The following TENM4 variants were observed in gnomAD, a reference collection of about 807,000 sequenced individuals.
TENM4 encodes teneurin-4.
Under a neutral mutation model 243.3 loss-of-function variants are expected in TENM4, and 82 were observed. That is an observed-to-expected ratio of 0.34 (90% CI 0.28 to 0.40). The LOEUF is 0.40. TENM4 is among the 10% of genes least tolerant of loss of function. The pLI is 1.00. For missense variants in TENM4, 3,138 were observed against 3,673.3 expected (o/e 0.85, Z 3.77); for synonymous variants, 1,412 against 1,456.3 (o/e 0.97, Z 0.69).
chr11:78,849,356 T>C (rs961290968), intron 12 of TENM4, among the ~76,000 whole-genome samples: 18 of 152,178 alleles, frequency 1.2e-4, no homozygotes, highest in African/African-American at 3.9e-4. Context: ...TTCCATATAA[T>C]ACAAATGGAA....
intron 25 of TENM4, among the ~76,000 whole-genome samples, chr11:78,716,563 C>T (rs906058347): frequency 2.6e-5 from 4 of 152,344 alleles, no homozygotes; most frequent in Admixed American, 6.5e-5. Context: ...AGGAAACGCT[C>T]ACTGCTAACA....
chr11:78,959,365 A>G (rs1376361458), intron 6 of TENM4, among the ~76,000 whole-genome samples: 1 of 152,204 alleles, frequency 6.6e-6, no homozygotes, highest in African/African-American at 2.4e-5. Context: ...AAAAAAATCA[A>G]ATTAAAAACC....
At chr11:79,134,129 G>T (rs1371449355) in intron 4 of TENM4, among the ~76,000 whole-genome samples, 1 of 152,070 alleles carries the variant, frequency 6.6e-6, no homozygotes, top group African/African-American at 2.4e-5. Context: ...TCCTAGAACT[G>T]ATAAAAGAAT....
intron 1 of TENM4, among the ~76,000 whole-genome samples, chr11:79,316,565 T>A (rs545064442): frequency 6.6e-6 from 1 of 152,356 alleles, no homozygotes; most frequent in South Asian, 2.1e-4. Flanking sequence ...TTTATTTCAA[T>A]GAAATTTTGT....
At chr11:78,686,992 A>T (rs921735403) in intron 29 of TENM4, among the ~76,000 whole-genome samples, 1 of 152,218 alleles carries the variant, frequency 6.6e-6, no homozygotes, top group Admixed American at 6.5e-5. Flanking sequence ...AGTATTGCTT[A>T]TTGAGCAATA....
chr11:78,861,158 C>T (rs536724805), intron 10 of TENM4, among the ~76,000 whole-genome samples: 16 of 152,324 alleles, frequency 1.1e-4, no homozygotes, highest in African/African-American at 3.6e-4. Context: ...GCATCTGACG[C>T]TAGAAGCTGA....
intron 2 of TENM4, among the ~76,000 whole-genome samples, chr11:79,271,736 C>A (rs565546598): frequency 9.8e-5 from 15 of 152,360 alleles, no homozygotes; most frequent in African/African-American, 3.6e-4. Flanking sequence ...CCAGCTCTCT[C>A]CCACAGGGTC....
At position 79,285,256 on chromosome 11, in the gene TENM4, A is replaced by T. The variant is rs187875342; in HGVS notation, c.-265+12232T>A. ...AGTTTCAAAAAAATAAATAAATAAA[A>T]AAAAAGAGAGATGCTGAGTATCATT... On this transcript the variant is annotated intron_variant, in intron 2 of 33. Transcript: ENST00000278550. Among the ~76,000 whole-genome samples the T allele has an allele frequency of 7.2e-3, 1,101 of 151,968 alleles. 16 individuals are homozygous for T. Among genetic ancestry groups the T allele is most frequent in the African/African-American group, 0.025 (1,038 of 41,476 alleles).
intron 2 of TENM4, among the ~76,000 whole-genome samples, chr11:79,252,798 A>G (rs561914078): frequency 2.6e-5 from 4 of 152,222 alleles, no homozygotes; most frequent in African/African-American, 4.8e-5. Flanking sequence ...TGAGAGACTC[A>G]TGGAGCAGAC....
intron 4 of TENM4, among the ~76,000 whole-genome samples, chr11:79,135,301 C>T (rs946985446): frequency 4.0e-5 from 6 of 151,826 alleles, no homozygotes; most frequent in Non-Finnish European, 8.8e-5. Context: ...TGTGATACCA[C>T]CTTACTCCTG....
At chr11:78,753,135 G>A (rs993824861) in intron 19 of TENM4, among the ~76,000 whole-genome samples, 2 of 152,076 alleles carry the variant, frequency 1.3e-5, no homozygotes, top group Non-Finnish European at 2.9e-5. Context: ...TTTTAATCTT[G>A]GTCTGTCAGA....
intron 9 of TENM4, among the ~76,000 whole-genome samples, chr11:78,866,754 T>C (rs1275402155): frequency 1.3e-5 from 2 of 152,208 alleles, no homozygotes; most frequent in Admixed American, 6.5e-5. Context: ...CAAAGCTCTG[T>C]ATTCAACTCC....
At chr11:78,838,920 C>T (rs978824344) in intron 12 of TENM4, among the ~76,000 whole-genome samples, 3 of 152,198 alleles carry the variant, frequency 2.0e-5, no homozygotes, top group African/African-American at 4.8e-5. Context: ...ACATTTGATG[C>T]TTTTCCAAGT....
rs11293184 is a variant in TENM4 at position 79,231,384 on chromosome 11, A to AT, written c.-264-15476dup. Among the ~76,000 whole-genome samples the AT allele has an allele frequency of 2.3e-3, 334 of 147,932 alleles. 1 individual carries two copies. Among genetic ancestry groups the AT allele is most frequent in the Middle Eastern group, 6.9e-3 (2 of 290 alleles). ...AAATACCATTACACCTAAATTAGTAATTTTTTTTTTTTTAATTTAAAGGGC... is the reference window on the plus strand; with the variant it reads ...AAATACCATTACACCTAAATTAGTAATTTTTTTTTTTTTTAATTTAAAGGGC... On this transcript the variant is annotated intron_variant, in intron 2 of 33. Coordinates refer to ENST00000278550, the MANE Select transcript of TENM4 (RefSeq NM_001098816.3).
chr11:78,837,045 C>T (rs1408158372), intron 12 of TENM4, among the ~76,000 whole-genome samples: 1 of 152,116 alleles, frequency 6.6e-6, no homozygotes, highest in Non-Finnish European at 1.5e-5. Flanking sequence ...GGAGGAAACT[C>T]TTAGAAAATC....
chr11:78,669,803 A>C lies in TENM4; in HGVS notation c.6542T>G (p.Leu2181Arg). The change falls in exon 32 of 34, where the codon CTG becomes CGG. Residue 2181 changes from leucine to arginine, a missense_variant. Transcript: ENST00000278550. This position sits in a 1 kb window ranked among gnomAD's most constrained non-coding sequence, Gnocchi z 6.4. ...GGTATTGGCGTAGGGTCCTACCTTC[A>C]GCTCCTTCTTCACTACTCGCCCCAT... is the stretch of plus-strand genomic sequence containing the variant. ...DNMGRVVKKE[L>R]KVGPYANTTR... 1 of 1,613,912 alleles carries C rather than the reference A, an allele frequency of 6.2e-7. No homozygotes were observed. Among genetic ancestry groups the C allele is most frequent in the Non-Finnish European group, 8.5e-7 (1 of 1,179,880 alleles).
chr11:79,228,176 A>G (rs1170593974), intron 2 of TENM4, among the ~76,000 whole-genome samples: 1 of 152,210 alleles, frequency 6.6e-6, no homozygotes, highest in Non-Finnish European at 1.5e-5. Flanking sequence ...GAAGGGACAA[A>G]GACTTGCAAG....
chr11:78,999,166 C>T (rs1161995471), intron 6 of TENM4, among the ~76,000 whole-genome samples: 2 of 152,144 alleles, frequency 1.3e-5, no homozygotes. Flanking sequence ...CACCAGTGGT[C>T]ACACCGCGGG....
chr11:79,300,855 G>A (rs770573801), intron 1 of TENM4, among the ~76,000 whole-genome samples: 7 of 152,178 alleles, frequency 4.6e-5, no homozygotes, highest in Admixed American at 2.6e-4. Flanking sequence ...CTTCCAGCAT[G>A]TCTAATCACA....
Sources: gnomAD v4.1 joint callset for allele counts (sites outside exome capture counted in the v4.1 genomes callset) on GRCh38, gnomAD v4.1.1 for gene constraint, Gnocchi (gnomAD v3.1) non-coding constraint, MANE v1.5 for transcripts, NCBI Gene and HGNC (gene_info 2026-07-23, HGNC 2026-07-21) for gene names.